The following SNX29 variants were observed in gnomAD, a reference collection of about 807,000 sequenced individuals.
SNX29 encodes the protein sorting nexin-29.
SNX29 carries 78 observed loss-of-function variants against 102.1 expected under a neutral mutation model. The observed-to-expected ratio is 0.76, with a 90% CI of 0.64 to 0.92. The LOEUF (loss-of-function observed/expected upper bound fraction) is 0.92. Ranked by LOEUF, SNX29 falls within the 40% of genes least tolerant of loss-of-function variation. SNX29 has a pLI of 0.00. For missense variants in SNX29, 1,280 were observed against 1,061.7 expected (o/e 1.21, Z -2.86); for synonymous variants, 580 against 414.5 (o/e 1.40, Z -4.85).
intron 20 of SNX29, among the ~76,000 whole-genome samples, chr16:12,543,587 C>T (rs2077443893): frequency 6.6e-6 from 1 of 152,208 alleles, no homozygotes; most frequent in African/African-American, 2.4e-5. Flanking sequence ...GTGGTGCGTC[C>T]CAGTTCATCC....
At chr16:12,567,914 A>C (rs1185648532) in intron 20 of SNX29, among the ~76,000 whole-genome samples, 1 of 152,118 alleles carries the variant, frequency 6.6e-6, no homozygotes, top group African/African-American at 2.4e-5. Context: ...CCTGGGACCC[A>C]CACACGCTGT....
At chr16:12,189,810 A>C (rs1423929968) in intron 13 of SNX29, among the ~76,000 whole-genome samples, 4 of 152,096 alleles carry the variant, frequency 2.6e-5, no homozygotes, top group Non-Finnish European at 5.9e-5. Context: ...AACAGTGATA[A>C]TAATGGATTA....
Position 12,481,621 on chromosome 16 carries a change from G to A in SNX29, c.2178+3762G>A, listed in dbSNP as rs187495293. 7.7e-4 allele frequency among the ~76,000 whole-genome samples: 116 copies of A among 151,294 alleles called. 2 individuals carry two copies. Among genetic ancestry groups the A allele is most frequent in the Admixed American group, 9.9e-4 (15 of 15,190 alleles). ...ACAATTTCACCTCACAGCAACCTCC[G>A]TCTCCTGGGTTCAAGTGATTATCCT... On this transcript the variant is annotated intron_variant, in intron 19 of 20. Coordinates refer to ENST00000566228, the MANE Select transcript of SNX29 (RefSeq NM_032167.5).
intron 13 of SNX29, among the ~76,000 whole-genome samples, chr16:12,138,202 C>T (rs1416940547): frequency 6.8e-6 from 1 of 146,628 alleles, no homozygotes; most frequent in African/African-American, 2.5e-5. Context: ...AAGAATTTGT[C>T]ACTCTTTTTT....
intron 14 of SNX29, among the ~76,000 whole-genome samples, chr16:12,254,442 G>A (rs1379846470): frequency 6.6e-6 from 1 of 152,120 alleles, no homozygotes; most frequent in East Asian, 1.9e-4. Context: ...TTGGGGTCAG[G>A]AGTTTGAGAC....
In SNX29 at chr16:12,558,873, GA is replaced by G. The variant is rs1412962233; in HGVS notation, c.2319-9629del. Among the ~76,000 whole-genome samples the G allele has an allele frequency of 3.3e-5, 5 of 152,232 alleles. No homozygotes were observed. The East Asian group carries it at 9.6e-4, about 29-fold the overall frequency. On this transcript the variant is annotated intron_variant, in intron 20 of 20. Transcript: ENST00000566228. The stretch of plus-strand genomic sequence containing the variant: ...GAGGGCCACAGGCAGCCCATTTGCA[GA>G]AAATGTGCCTGAGTTTGCTTCAGGG...
intron 15 of SNX29, among the ~76,000 whole-genome samples, chr16:12,313,530 C>T (rs955523928): frequency 6.6e-6 from 1 of 152,208 alleles, no homozygotes; most frequent in Non-Finnish European, 1.5e-5. Flanking sequence ...CATGACCTGC[C>T]AGTATGAACT....
intron 19 of SNX29, among the ~76,000 whole-genome samples, chr16:12,484,645 G>A (rs1477205457): frequency 6.6e-6 from 1 of 151,936 alleles, no homozygotes; most frequent in Admixed American, 6.6e-5. Context: ...CTCACCTCGG[G>A]GCCTTTGCAC....
rs534650303 is a variant in SNX29, at chr16:12,352,795, C to G, written c.1783-3368C>G. On this transcript the variant is annotated intron_variant, in intron 15 of 20. Transcript: ENST00000566228. ...GCTGTGTCAGCCCTGGTCTTTGTAT[C>G]TCCACCTGGCATTTACTTTTGATTT... Among the ~76,000 whole-genome samples, 19 of 152,326 alleles carry G rather than the reference C, an allele frequency of 1.2e-4. No homozygotes were observed. In the South Asian group the frequency reaches 3.9e-3, roughly 32 times the overall value.
chr16:12,183,583 ACTT>A (rs1299584820), intron 13 of SNX29, among the ~76,000 whole-genome samples: 1 of 152,200 alleles, frequency 6.6e-6, no homozygotes, highest in Admixed American at 6.5e-5. Flanking sequence ...ACTCTTCTGC[ACTT>A]CTTTCCGAAG....
intron 19 of SNX29, among the ~76,000 whole-genome samples, chr16:12,518,670 C>T (rs1049116807): frequency 2.6e-5 from 4 of 152,194 alleles, no homozygotes; most frequent in African/African-American, 4.8e-5. Context: ...CATTTAAACT[C>T]CTCGAGGAAA....
At chr16:12,202,355 C>G (rs1397625484) in intron 14 of SNX29, among the ~76,000 whole-genome samples, 1 of 152,094 alleles carries the variant, frequency 6.6e-6, no homozygotes, top group Non-Finnish European at 1.5e-5. Flanking sequence ...TTTTTCTTCC[C>G]CGAATGTGGT....
intron 15 of SNX29, among the ~76,000 whole-genome samples, chr16:12,329,823 GTTC>G (rs773911150): frequency 3.3e-5 from 5 of 152,198 alleles, no homozygotes; most frequent in Non-Finnish European, 7.3e-5. Flanking sequence ...TTTCAGACCT[GTTC>G]TTTGAATAGC....
At chr16:12,476,784 A>C (rs2087674624) in intron 18 of SNX29, among the ~76,000 whole-genome samples, 1 of 152,052 alleles carries the variant, frequency 6.6e-6, no homozygotes, top group Non-Finnish European at 1.5e-5. Flanking sequence ...CTAGAGTTTG[A>C]ACACATAATG....
At chr16:12,178,047 G>A (rs1035400947) in intron 13 of SNX29, among the ~76,000 whole-genome samples, 1 of 152,210 alleles carries the variant, frequency 6.6e-6, no homozygotes, top group African/African-American at 2.4e-5. Context: ...CACTGTTTCA[G>A]ACATTGCTGG....
intron 11 of SNX29, among the ~76,000 whole-genome samples, chr16:12,100,137 C>T (rs1307815476): frequency 6.6e-6 from 1 of 152,164 alleles, no homozygotes. Flanking sequence ...GAGCCCAATA[C>T]CTTCTGGCTT....
chr16:12,135,664 C>G, intron 13 of SNX29: 1 of 1,269,750 alleles, frequency 7.9e-7, no homozygotes, highest in African/African-American at 1.5e-5. Flanking sequence ...GCTCCTGGAT[C>G]CAGTCTTTCC....
At chr16:12,302,005 G>T (rs1346128655) in intron 15 of SNX29, among the ~76,000 whole-genome samples, 5 of 152,144 alleles carry the variant, frequency 3.3e-5, no homozygotes, top group Middle Eastern at 3.2e-3. Flanking sequence ...ACAAAAGAAA[G>T]ATAATTACTT....
intron 19 of SNX29, among the ~76,000 whole-genome samples, chr16:12,499,618 C>T (rs1053258062): frequency 6.6e-5 from 10 of 152,302 alleles, no homozygotes; most frequent in African/African-American, 2.4e-4. Flanking sequence ...TCAGACCACA[C>T]CCCAGACCCG....
Sources: gnomAD v4.1 joint callset for allele counts (sites outside exome capture counted in the v4.1 genomes callset) on GRCh38, gnomAD v4.1.1 for gene constraint, MANE v1.5 for transcripts, NCBI Gene and HGNC (gene_info 2026-07-23, HGNC 2026-07-21) for gene names.